Variants in NAA20 observed in about 807,000 individuals in gnomAD.
NAA20 encodes N-alpha-acetyltransferase 20.
In NAA20, 24 loss-of-function variants were observed where a neutral mutation model predicts 23.8. That is an observed-to-expected ratio of 1.01 (90% CI 0.73 to 1.42). The LOEUF (loss-of-function observed/expected upper bound fraction) is 1.42, where lower values mean the gene tolerates loss of function less well. Ranked by LOEUF, NAA20 falls within the 40% of genes most tolerant of loss-of-function variation. The pLI, the probability that NAA20 is intolerant of heterozygous loss-of-function variation, is 0.00. For synonymous variants in NAA20, 83 were observed against 77.7 expected (o/e 1.07, Z -0.36); for missense variants, 166 against 223.1 (o/e 0.74, Z 1.63).
intron 1 of NAA20, chr20:20,018,354 T>C: frequency 2.2e-6 from 1 of 445,490 alleles, no homozygotes; most frequent in Non-Finnish European, 4.1e-6. Context: ...TTCCTTCCCA[T>C]CTATCAGTCC....
chr20:20,026,614 A>G (rs1302840995), intron 3 of NAA20, among the ~76,000 whole-genome samples, 170 bp from the exon 4 acceptor site: 2 of 151,832 alleles, frequency 1.3e-5, no homozygotes, highest in African/African-American at 4.8e-5. Flanking sequence ...TGTTACATTT[A>G]CAAGTGAATT....
At chr20:20,028,492 TAAAA>T (rs927790873) in intron 4 of NAA20, among the ~76,000 whole-genome samples, 2 of 151,804 alleles carry the variant, frequency 1.3e-5, no homozygotes, top group Admixed American at 6.6e-5. Context: ...ATAATAATAA[TAAAA>T]AAAAGCAGGT....
chr20:20,024,034 C>T (rs141403155), intron 2 of NAA20, among the ~76,000 whole-genome samples: 9 of 152,290 alleles, frequency 5.9e-5, no homozygotes, highest in Non-Finnish European at 1.3e-4. Context: ...TGGGACACCA[C>T]GCTGATTAAT....
chr20:20,025,220 A>G (rs1040084511), intron 2 of NAA20, among the ~76,000 whole-genome samples: 2 of 152,250 alleles, frequency 1.3e-5, no homozygotes, highest in Non-Finnish European at 2.9e-5. Context: ...GCTGAAGTCA[A>G]AGTAGGAACT....
At chr20:20,023,873 A>G (rs2043288732) in intron 2 of NAA20, among the ~76,000 whole-genome samples, 2 of 152,254 alleles carry the variant, frequency 1.3e-5, no homozygotes, top group South Asian at 4.1e-4. Flanking sequence ...ATAAATTGCT[A>G]TTATCTTTCC....
Position 20,033,381 on chromosome 20 carries a change from C to T in NAA20, c.*194C>T. The T allele has an allele frequency of 8.2e-6, 4 of 485,198 alleles. No individual in the cohort carries two copies. The highest frequency in any genetic ancestry group is 1.5e-5 in the Non-Finnish European group (4 of 275,704). The allele number at this position is 485,198 out of a possible 1,614,324, so 30.1% of individuals were successfully genotyped here. ...CAATATCATACCTATTAAAGCTGTTCATTGTAACAAAATTCAATCAAAAAG... is the reference window on the plus strand; with the variant it reads ...CAATATCATACCTATTAAAGCTGTTTATTGTAACAAAATTCAATCAAAAAG... On this transcript the variant is annotated 3_prime_UTR_variant, in exon 6 of 6. Coordinates refer to ENST00000334982, the MANE Select transcript of NAA20 (RefSeq NM_016100.5).
At chr20:20,031,219 G>A (rs938289641) in intron 4 of NAA20, among the ~76,000 whole-genome samples, 5 of 152,148 alleles carry the variant, frequency 3.3e-5, no homozygotes, top group Non-Finnish European at 7.4e-5. Flanking sequence ...TGTAAAGAGT[G>A]AGACTATATC....
chr20:20,017,631 G>C, intron 1 of NAA20, 182 bp downstream of exon 1: 2 of 1,303,770 alleles, frequency 1.5e-6, no homozygotes, highest in East Asian at 5.3e-5. Context: ...GGGAGAGGTG[G>C]GCCTGGAGTC....
At chr20:20,032,929 C>T (rs2043357739) in intron 5 of NAA20, among the ~76,000 whole-genome samples, 173 bp from the exon 6 acceptor site, 2 of 152,092 alleles carry the variant, frequency 1.3e-5, no homozygotes, top group South Asian at 2.1e-4. Flanking sequence ...TGGGTGAGGT[C>T]TGGTTAGCAT....
intron 4 of NAA20, among the ~76,000 whole-genome samples, chr20:20,027,330 A>G (rs2043313140): frequency 6.6e-6 from 1 of 152,252 alleles, no homozygotes; most frequent in Admixed American, 6.5e-5. Context: ...TAACTGTTTA[A>G]TAAGTATTTA....
chr20:20,017,525 C>T, intron 1 of NAA20, 76 bp downstream of exon 1: 1 of 1,529,616 alleles, frequency 6.5e-7, no homozygotes. Context: ...CGGCCCCAGC[C>T]GCGCCTTCCC....
chr20:20,026,636 C>T (rs1027959677), intron 3 of NAA20, 148 bp from the exon 4 acceptor site: 7 of 757,408 alleles, frequency 9.2e-6, no homozygotes, highest in African/African-American at 8.9e-5. Context: ...CAAATAAAAG[C>T]ACTAACTGTT....
chr20:20,028,851 A>T (rs920929964), intron 4 of NAA20, among the ~76,000 whole-genome samples: 1 of 152,266 alleles, frequency 6.6e-6, no homozygotes, highest in African/African-American at 2.4e-5. Context: ...AACAAAATGC[A>T]TGAAATAAAA....
chr20:20,029,460 T>A (rs1006306431), intron 4 of NAA20, among the ~76,000 whole-genome samples: 1 of 151,636 alleles, frequency 6.6e-6, no homozygotes, highest in African/African-American at 2.4e-5. Context: ...CGACTAAAAA[T>A]ACAAAAATTA....
chr20:20,032,139 G>A (rs2043347993), intron 4 of NAA20, among the ~76,000 whole-genome samples: 1 of 151,866 alleles, frequency 6.6e-6, no homozygotes, highest in Non-Finnish European at 1.5e-5. Context: ...TACAATGTTA[G>A]TCGACTGAGA....
intron 1 of NAA20, chr20:20,017,825 C>T (rs1273172452): frequency 2.7e-6 from 4 of 1,498,688 alleles, no homozygotes; most frequent in African/African-American, 2.7e-5. Flanking sequence ...TCGCCCTGCC[C>T]TACTGCTTGC....
chr20:20,020,200 C>T (rs981617628), intron 1 of NAA20, among the ~76,000 whole-genome samples: 1 of 152,110 alleles, frequency 6.6e-6, no homozygotes, highest in African/African-American at 2.4e-5. Context: ...TTGGGGACCC[C>T]CTCAAATCCT....
At chr20:20,018,097 CCT>C in intron 1 of NAA20, 1 of 1,613,238 alleles carries the variant, frequency 6.2e-7, no homozygotes, top group African/African-American at 1.3e-5. Context: ...ACACACCTTT[CCT>C]CTGTGAGGAG....
intron 4 of NAA20, among the ~76,000 whole-genome samples, chr20:20,031,499 T>A (rs2043343526): frequency 6.6e-6 from 1 of 152,032 alleles, no homozygotes; most frequent in Non-Finnish European, 1.5e-5. Context: ...TATGGCAGAG[T>A]GTCTCTGTGG....
Sources: allele counts gnomAD v4.1 joint callset (sites outside exome capture counted in the v4.1 genomes callset), GRCh38; gene constraint gnomAD v4.1.1; transcripts MANE v1.5; gene names NCBI Gene and HGNC (gene_info 2026-07-23, HGNC 2026-07-21).